NTSR1: variants seen among roughly 807,000 people sequenced by gnomAD.
The protein encoded by NTSR1 is neurotensin receptor 1.
In NTSR1, 29 loss-of-function variants were observed where a neutral mutation model predicts 31.2. The ratio of observed to expected loss-of-function variants is 0.93; its 90% CI spans 0.69 to 1.27. The LOEUF is 1.27. NTSR1 is among the 50% of genes most tolerant of loss of function. The pLI, the probability that NTSR1 is intolerant of heterozygous loss-of-function variation, is 0.00. For missense variants in NTSR1, 697 were observed against 595.4 expected, an observed-to-expected ratio of 1.17 and a Z score of -1.78; for synonymous variants, 282 against 269.9, an observed-to-expected ratio of 1.04 and a Z score of -0.44.
chr20:62,752,129 A>G (rs1989403101), intron 1 of NTSR1, among the ~76,000 whole-genome samples: 1 of 152,176 alleles, frequency 6.6e-6, no homozygotes, highest in Non-Finnish European at 1.5e-5. Flanking sequence ...CTGGATGCAC[A>G]GACGTGATCT....
intron 2 of NTSR1, among the ~76,000 whole-genome samples, chr20:62,755,873 ATCCC>A (rs1568712326): frequency 3.5e-5 from 1 of 28,970 alleles, no homozygotes; most frequent in East Asian, 8.7e-4. Flanking sequence ...TCCACCCATC[ATCCC>A]TCCCTCCCTC....
chr20:62,738,396 C>T (rs1204592274), intron 1 of NTSR1, among the ~76,000 whole-genome samples: 1 of 152,244 alleles, frequency 6.6e-6, no homozygotes, highest in Non-Finnish European at 1.5e-5. Flanking sequence ...GGGTCAGCCT[C>T]CCAGCTGCCA....
chr20:62,744,155 A>G lies in NTSR1; in HGVS notation c.715-10530A>G, dbSNP rs1272085864. 1.3e-5 allele frequency among the ~76,000 whole-genome samples: 2 copies of G among 152,100 alleles called. No homozygotes were observed. The highest frequency in any genetic ancestry group is 4.8e-5 in the African/African-American group (2 of 41,404). ...CCAGCGTGTCCCATCCCAGCCTCCC[A>G]AGCCGCAGTCCTGTGCCCCCCAATT... On this transcript the variant is annotated intron_variant, in intron 1 of 3. Transcript: ENST00000370501. This position sits in a 1 kb window ranked among gnomAD's most constrained non-coding sequence, Gnocchi z 4.1.
intron 1 of NTSR1, among the ~76,000 whole-genome samples, chr20:62,720,141 A>C (rs1260139304): frequency 6.6e-6 from 1 of 152,154 alleles, no homozygotes; most frequent in South Asian, 2.1e-4. Context: ...CTCTACTAAA[A>C]ATACAAAACT....
chr20:62,721,856 G>C (rs1467717356), intron 1 of NTSR1, among the ~76,000 whole-genome samples: 1 of 152,138 alleles, frequency 6.6e-6, no homozygotes, highest in East Asian at 1.9e-4. Context: ...CCACTTCTCT[G>C]TATTTGCTCT....
At chr20:62,726,089 C>T (rs375721602) in intron 1 of NTSR1, among the ~76,000 whole-genome samples, 2 of 152,322 alleles carry the variant, frequency 1.3e-5, no homozygotes, top group South Asian at 2.1e-4. Context: ...CCTTGGGGTT[C>T]GCAGCCTCCA....
chr20:62,738,707 G>A (rs1322721235), intron 1 of NTSR1, among the ~76,000 whole-genome samples: 2 of 152,246 alleles, frequency 1.3e-5, no homozygotes, highest in African/African-American at 4.8e-5. Context: ...AGCATGGCAG[G>A]AACCCGGGCT....
chr20:62,733,818 C>A lies in NTSR1; in HGVS notation c.715-20867C>A, dbSNP rs1326947797. Among the ~76,000 whole-genome samples the A allele has an allele frequency of 6.6e-6, 1 of 152,014 alleles. No individual in the cohort carries two copies. Among genetic ancestry groups the A allele is most frequent in the Non-Finnish European group, 1.5e-5 (1 of 67,988 alleles). On this transcript the variant is annotated intron_variant, in intron 1 of 3. Coordinates refer to ENST00000370501, the MANE Select transcript of NTSR1 (RefSeq NM_002531.3). The surrounding 1 kb of genome is among the most constrained non-coding windows in gnomAD (Gnocchi z 5.2). ...GGAGACAGCACCCTCTTCTCCCTAC[C>A]CTTGCCTGGGGTCTCAGCTGAGAGA...
chr20:62,724,246 G>A (rs1047965417), intron 1 of NTSR1, among the ~76,000 whole-genome samples: 1 of 152,190 alleles, frequency 6.6e-6, no homozygotes, highest in South Asian at 2.1e-4. Context: ...GCAGAGCCCT[G>A]GGACAGTGGG....
Position 62,709,292 on chromosome 20 carries a change from G to A in NTSR1, c.85G>A (p.Ala29Thr), listed in dbSNP as rs771844082. 1.3e-6 allele frequency: 2 copies of A among 1,591,566 alleles called. No individual in the cohort carries two copies. The highest frequency in any genetic ancestry group is 1.3e-5 in the African/African-American group (1 of 74,414). ...GCGGGCGCAGGCCGGACTGGAGGAG[G>A]CGCTGCTGGCCCCGGGCTTCGGCAA... ...FQRAQAGLEE[A>T]LLAPGFGNAS... Residue 29 changes from alanine to threonine, a missense_variant, in exon 1 of 4, where the codon GCG (alanine) becomes ACG (threonine). Ala to Thr is a moderately conservative substitution (Grantham distance 58). Coordinates refer to ENST00000370501, the MANE Select transcript of NTSR1 (RefSeq NM_002531.3).
Position 62,711,329 on chromosome 20 carries a change from G to A in NTSR1, c.714+1408G>A, listed in dbSNP as rs890417667. 6.6e-6 allele frequency among the ~76,000 whole-genome samples: 1 copy of A among 152,200 alleles called. No individual in the cohort carries two copies. The highest frequency in any genetic ancestry group is 2.4e-5 in the African/African-American group (1 of 41,450). On this transcript the variant is annotated intron_variant, in intron 1 of 3. Coordinates refer to ENST00000370501, the MANE Select transcript of NTSR1 (RefSeq NM_002531.3). The surrounding 1 kb of genome is among the most constrained non-coding windows in gnomAD (Gnocchi z 6.4). ...CCAGAGGCAGAAGTAGGCACGGCCTGTGGGGTAAACACAGTGAGAAATGAC... is the reference window on the plus strand; with the variant it reads ...CCAGAGGCAGAAGTAGGCACGGCCTATGGGGTAAACACAGTGAGAAATGAC...
intron 1 of NTSR1, among the ~76,000 whole-genome samples, chr20:62,722,165 A>T (rs113836458): frequency 1.3e-5 from 2 of 152,104 alleles, no homozygotes; most frequent in Non-Finnish European, 2.9e-5. Flanking sequence ...TCAGTGGCAG[A>T]CTCGTCATCT....
intron 1 of NTSR1, among the ~76,000 whole-genome samples, chr20:62,722,808 A>G (rs1988845382): frequency 6.6e-6 from 1 of 152,260 alleles, no homozygotes; most frequent in African/African-American, 2.4e-5. Context: ...TGTTTATGGC[A>G]GGAGAGCTAG....
At chr20:62,750,546 C>G (rs1033605589) in intron 1 of NTSR1, among the ~76,000 whole-genome samples, 5 of 152,010 alleles carry the variant, frequency 3.3e-5, no homozygotes, top group African/African-American at 1.2e-4. Flanking sequence ...AAAAAATTAG[C>G]TGGGCATGGT....
intron 1 of NTSR1, among the ~76,000 whole-genome samples, chr20:62,712,777 C>T (rs968166564): frequency 6.6e-6 from 1 of 152,236 alleles, no homozygotes; most frequent in African/African-American, 2.4e-5. Flanking sequence ...ATGGCCCTTG[C>T]TTCTTGGATG....
At chr20:62,723,019 G>A (rs1223355876) in intron 1 of NTSR1, among the ~76,000 whole-genome samples, 1 of 152,196 alleles carries the variant, frequency 6.6e-6, no homozygotes, top group Non-Finnish European at 1.5e-5. Context: ...ATCTTACACT[G>A]AAGCTTATGA....
intron 1 of NTSR1, among the ~76,000 whole-genome samples, chr20:62,726,471 A>C (rs927939272): frequency 2.0e-5 from 3 of 152,124 alleles, no homozygotes; most frequent in Admixed American, 1.3e-4. Flanking sequence ...CTCGCTTAGC[A>C]CGGCATCCCC....
chr20:62,755,737 C>T (rs111220220), intron 2 of NTSR1, among the ~76,000 whole-genome samples: 3 of 738 alleles, frequency 4.1e-3, no homozygotes, highest in Non-Finnish European at 3.5e-3. Context: ...TCCCTCCCTC[C>T]CTCCCTCCCT....
At chr20:62,712,650 A>C (rs1988637850) in intron 1 of NTSR1, among the ~76,000 whole-genome samples, 1 of 152,194 alleles carries the variant, frequency 6.6e-6, no homozygotes, top group African/African-American at 2.4e-5. Flanking sequence ...CCCTGGTGCC[A>C]GCAGGGTGAC....
Sources: allele counts gnomAD v4.1 joint callset (sites outside exome capture counted in the v4.1 genomes callset), GRCh38; gene constraint gnomAD v4.1.1; non-coding constraint Gnocchi (gnomAD v3.1); transcripts MANE v1.5; gene names NCBI Gene and HGNC (gene_info 2026-07-23, HGNC 2026-07-21).